VSX2: variants seen among roughly 807,000 people sequenced by gnomAD.
VSX2 encodes visual system homeobox 2, also known as ceh-10 homeo domain containing homolog.
A neutral mutation model predicts 32.1 loss-of-function variants in VSX2; 28 were observed. The observed-to-expected ratio is 0.87, with a 90% CI of 0.65 to 1.20. The LOEUF (loss-of-function observed/expected upper bound fraction) is 1.20, where lower values mean the gene tolerates loss of function less well. VSX2 is among the 50% of genes most tolerant of loss of function. The probability of loss-of-function intolerance (pLI) is 0.00; values close to 1 mark genes in which losing one functional copy is unlikely to be tolerated. For synonymous variants in VSX2, 243 were observed against 214.1 expected, an observed-to-expected ratio of 1.14 and a Z score of -1.18; for missense variants, 506 against 488.7, an observed-to-expected ratio of 1.04 and a Z score of -0.33.
intron 4 of VSX2, 68 bp downstream of exon 4, chr14:74,259,850 A>C: frequency 6.6e-7 from 1 of 1,521,894 alleles, no homozygotes; most frequent in Non-Finnish European, 8.9e-7. Context: ...GGAGGAGGGG[A>C]CAGAGCCTTG....
Position 74,239,836 on chromosome 14 carries a change from C to A in VSX2, c.275C>A (p.Thr92Asn). Reference sequence around the variant, plus strand: ...CTCCCTGGCTTCTACACGCAGCCCACCTTCCTGGAAGTGCTGTCCGACCCG... The same window carrying A: ...CTCCCTGGCTTCTACACGCAGCCCAACTTCCTGGAAGTGCTGTCCGACCCG... ...GGLPGFYTQP[T>N]FLEVLSDPQS... is the part of the protein sequence containing the mutation. The change falls in exon 1 of 5, where the codon ACC becomes AAC. Residue 92 changes from threonine to asparagine, a missense_variant. Physicochemically the swap from Thr to Asn is moderately conservative, Grantham distance 65. Coordinates refer to ENST00000261980, the MANE Select transcript of VSX2 (RefSeq NM_182894.3). The A allele has an allele frequency of 1.3e-6, 2 of 1,577,592 alleles. No individual in the cohort carries two copies. Among genetic ancestry groups the A allele is most frequent in the African/African-American group, 1.3e-5 (1 of 74,540 alleles).
chr14:74,245,158 C>A lies in VSX2; in HGVS notation c.456-7C>A, dbSNP rs770570869. ...GGGTCCTGAGTGTTCGGTCTTGCTC[C>A]CCTCAGGACAATCTTTACCTCCTAC... On this transcript the variant is annotated splice_region_variant and splice_polypyrimidine_tract_variant and intron_variant, in intron 2 of 4. Transcript: ENST00000261980. 1.9e-6 allele frequency: 3 copies of A among 1,613,602 alleles called. No individual in the cohort carries two copies. In the East Asian group the frequency reaches 6.7e-5, roughly 36 times the overall value.
intron 3 of VSX2, among the ~76,000 whole-genome samples, chr14:74,248,217 T>C (rs2079205048): frequency 6.6e-6 from 1 of 151,662 alleles, no homozygotes; most frequent in Non-Finnish European, 1.5e-5. Context: ...AAGTTATTAC[T>C]GGCTCCAAGT....
chr14:74,254,502 A>G (rs2139642181), intron 3 of VSX2, among the ~76,000 whole-genome samples: 1 of 152,334 alleles, frequency 6.6e-6, no homozygotes, highest in East Asian at 1.9e-4. Flanking sequence ...CTAAGGGGGA[A>G]GTAGAGGCTA....
rs121912543 is a variant in VSX2 at position 74,259,621 on chromosome 14, G to A, written c.599G>A (p.Arg200Gln). 4 of 1,614,024 alleles carry A rather than the reference G, an allele frequency of 2.5e-6. No individual in the cohort carries two copies. The highest frequency in any genetic ancestry group is 2.7e-5 in the African/African-American group (2 of 74,888). The stretch of plus-strand genomic sequence containing the variant: ...CTGCAGGTCTGGTTCCAGAACCGTC[G>A]AGCCAAGTGGAGGAAGCGGGAGAAG... ...DRIQVWFQNR[R>Q]AKWRKREKCW... The change falls in exon 4 of 5, where the codon CGA (arginine) becomes CAA (glutamine). Residue 200 changes from arginine (R) to glutamine (Q), a missense_variant. Physicochemically the swap from Arg to Gln is conservative, Grantham distance 43. Transcript: ENST00000261980.
chr14:74,244,945 A>AGTGTGTGTGTGT (rs59905689), intron 2 of VSX2, among the ~76,000 whole-genome samples: 3 of 60,100 alleles, frequency 5.0e-5, no homozygotes, highest in African/African-American at 1.3e-4. Flanking sequence ...AGAGAGAGAA[A>AGTGTGTGTGTGT]GTGTGTGTGT....
rs1467812806 is a variant in VSX2, at chr14:74,260,730, G to T, written c.897G>T (p.Glu299Asp). The T allele has an allele frequency of 1.3e-6, 2 of 1,592,850 alleles. No homozygotes were observed. Among genetic ancestry groups the T allele is most frequent in the Admixed American group, 3.5e-5 (2 of 56,378 alleles). Residue 299 changes from glutamate (E) to aspartate (D), a missense_variant, in exon 5 of 5, where the codon GAG (glutamate) becomes GAT (aspartate). Physicochemically the swap from Glu to Asp is conservative, Grantham distance 45. Coordinates refer to ENST00000261980, the MANE Select transcript of VSX2 (RefSeq NM_182894.3). ...ACGCTCAGGCGGCCATCTCCCAGGA[G>T]GAACTGAGGGAGAACAGCATTGCGG... ...GPDAQAAISQ[E>D]ELRENSIAVL...
Position 74,239,805 on chromosome 14 carries a change from G to C in VSX2, c.244G>C (p.Gly82Arg). ...GGGCGGCATGGGGCTTCTGGGGCCC[G>C]GGGGGCTCCCTGGCTTCTACACGCA... ...GVGGMGLLGP[G>R]GLPGFYTQPT... is the part of the protein sequence containing the mutation. The change falls in exon 1 of 5, where the codon GGG (glycine) becomes CGG (arginine). Residue 82 changes from glycine (G) to arginine (R), a missense_variant. Physicochemically the swap from Gly to Arg is moderately radical, Grantham distance 125. Coordinates refer to ENST00000261980, the MANE Select transcript of VSX2 (RefSeq NM_182894.3). 6.4e-7 allele frequency: 1 copy of C among 1,569,526 alleles called. No individual in the cohort carries two copies. The highest frequency in any genetic ancestry group is 8.6e-7 in the Non-Finnish European group (1 of 1,158,752).
intron 3 of VSX2, among the ~76,000 whole-genome samples, chr14:74,256,882 C>G (rs143471600): frequency 6.6e-6 from 1 of 152,030 alleles, no homozygotes; most frequent in Non-Finnish European, 1.5e-5. Context: ...CCATGTTGGC[C>G]AGGCTGGTCT....
chr14:74,256,259 C>T (rs778428185), intron 3 of VSX2, among the ~76,000 whole-genome samples: 2 of 152,136 alleles, frequency 1.3e-5, no homozygotes, highest in Non-Finnish European at 2.9e-5. Flanking sequence ...GGTGAAATCT[C>T]GTCCCTACTA....
Position 74,261,079 on chromosome 14 carries a change from G to A in VSX2, c.*160G>A. ...CCCCTGGTGGCTGCAGGCACCGCTG[G>A]GTTCTGACTCTGGACCATGCTGAGA... On this transcript the variant is annotated 3_prime_UTR_variant, in exon 5 of 5. Transcript: ENST00000261980. 1 of 806,156 alleles carries A rather than the reference G, an allele frequency of 1.2e-6. No individual in the cohort carries two copies. The highest frequency in any genetic ancestry group is 2.0e-6 in the Non-Finnish European group (1 of 510,206). 49.9% of individuals were successfully genotyped at this position (806,156 alleles called of 1,614,324 possible). A position where few individuals can be genotyped will look rare whatever the true frequency, so the allele number is the denominator to read the frequency against.
chr14:74,250,249 A>T lies in VSX2; in HGVS notation c.579+4961A>T, dbSNP rs200293907. 0.01 allele frequency among the ~76,000 whole-genome samples: 62 copies of T among 6,084 alleles called. No individual in the cohort carries two copies. The East Asian group carries it at 0.24, about 24-fold the overall frequency. 4.0% of individuals were successfully genotyped at this position (6,084 alleles called of 152,430 possible). A position where few individuals can be genotyped will look rare whatever the true frequency, so the allele number is the denominator to read the frequency against. ...AGAATCCTGTTTCAAAAAAAAAAAA[A>T]TTTTTTTTTTTAAATGCTAGGATAT... On this transcript the variant is annotated intron_variant, in intron 3 of 4. Coordinates refer to ENST00000261980, the MANE Select transcript of VSX2 (RefSeq NM_182894.3).
At chr14:74,244,973 TGTGTGTGTGAGAGAGA>T (rs1404953730) in intron 2 of VSX2, among the ~76,000 whole-genome samples, 176 bp from the exon 3 acceptor site, 1 of 67,478 alleles carries the variant, frequency 1.5e-5, no homozygotes, top group East Asian at 1.3e-3. Flanking sequence ...TGTGTGTGTG[TGTGTGTGTGAGAGAGA>T]GAGAGAGAGA....
At chr14:74,246,667 G>A (rs1732750857) in intron 3 of VSX2, among the ~76,000 whole-genome samples, 1 of 152,206 alleles carries the variant, frequency 6.6e-6, no homozygotes, top group African/African-American at 2.4e-5. Flanking sequence ...ACCCCTGCCT[G>A]GCCTTCATTA....
intron 3 of VSX2, among the ~76,000 whole-genome samples, chr14:74,256,289 G>A (rs1278480086): frequency 2.6e-5 from 4 of 152,136 alleles, no homozygotes; most frequent in African/African-American, 9.7e-5. Flanking sequence ...AAATTAGCTC[G>A]GTGTGGTGGC....
intron 3 of VSX2, among the ~76,000 whole-genome samples, chr14:74,251,467 C>T (rs567125955): frequency 6.6e-6 from 1 of 152,196 alleles, no homozygotes; most frequent in South Asian, 2.1e-4. Flanking sequence ...GCAACAAAAA[C>T]AACAACAAAA....
chr14:74,241,029 T>C (rs1167986807), intron 1 of VSX2, among the ~76,000 whole-genome samples, 153 bp from the exon 2 acceptor site: 1 of 152,108 alleles, frequency 6.6e-6, no homozygotes, highest in African/African-American at 2.4e-5. Context: ...AGCTCAGGGA[T>C]GGGACGGCCA....
chr14:74,246,625 G>A (rs145145453), intron 3 of VSX2, among the ~76,000 whole-genome samples: 169 of 152,366 alleles, frequency 1.1e-3, no homozygotes, highest in Non-Finnish European at 2.0e-3. Flanking sequence ...GTGTGCGTGT[G>A]TGTAAGCCAA....
Position 74,241,203 on chromosome 14 carries a change from G to C in VSX2, c.392G>C (p.Ser131Thr), listed in dbSNP as rs747508813. The stretch of plus-strand genomic sequence containing the variant: ...TCAGATTCTGAAGATGTTTCCTCCA[G>C]CGATCGAAAAATGTCCAAATCTGCT... ...ASSDSEDVSS[S>T]DRKMSKSALN... Residue 131 changes from serine (S) to threonine (T), a missense_variant, in exon 2 of 5, where the codon AGC (serine) becomes ACC (threonine). Transcript: ENST00000261980. The C allele has an allele frequency of 6.2e-7, 1 of 1,613,462 alleles. No homozygotes were observed. The highest frequency in any genetic ancestry group is 8.5e-7 in the Non-Finnish European group (1 of 1,179,994).
Sources: allele counts gnomAD v4.1 joint callset (sites outside exome capture counted in the v4.1 genomes callset), GRCh38; gene constraint gnomAD v4.1.1; transcripts MANE v1.5; gene names NCBI Gene and HGNC (gene_info 2026-07-23, HGNC 2026-07-21).